The following FARS2 variants were observed in gnomAD, a reference collection of about 807,000 sequenced individuals.
FARS2 encodes the protein phenylalanyl-tRNA synthetase 2, mitochondrial, also known as phenylalanine--tRNA ligase, mitochondrial.
Under a neutral mutation model 46.4 loss-of-function variants are expected in FARS2, and 40 were observed. The observed-to-expected ratio is 0.86, with a 90% confidence interval of 0.67 to 1.12. FARS2 has a LOEUF of 1.12. Among genes scored for constraint, FARS2 ranks in the 50% most tolerant of loss-of-function variants. The probability of loss-of-function intolerance (pLI) is 0.00; values close to 1 mark genes in which losing one functional copy is unlikely to be tolerated. For synonymous variants in FARS2, 234 were observed against 214.9 expected, an observed-to-expected ratio of 1.09 and a Z score of -0.78; for missense variants, 513 against 567.9, an observed-to-expected ratio of 0.90 and a Z score of 0.98.
At chr6:5,278,192 G>C (rs1766471808) in intron 1 of FARS2, among the ~76,000 whole-genome samples, 1 of 152,166 alleles carries the variant, frequency 6.6e-6, no homozygotes. Flanking sequence ...GTGAGTAAAT[G>C]ACCTTTTCCT....
At chr6:5,491,476 C>T (rs1340504814) in intron 4 of FARS2, among the ~76,000 whole-genome samples, 1 of 152,074 alleles carries the variant, frequency 6.6e-6, no homozygotes, top group Non-Finnish European at 1.5e-5. Context: ...AAAGTGACGT[C>T]GAGTTAAGAA....
At chr6:5,449,701 G>C (rs1317256802) in intron 4 of FARS2, among the ~76,000 whole-genome samples, 1 of 152,180 alleles carries the variant, frequency 6.6e-6, no homozygotes, top group African/African-American at 2.4e-5. Flanking sequence ...TTGTGTGTGT[G>C]TGTTTTGGAA....
intron 3 of FARS2, among the ~76,000 whole-genome samples, chr6:5,420,274 C>G (rs1341827531): frequency 2.0e-5 from 3 of 152,142 alleles, no homozygotes; most frequent in Admixed American, 2.0e-4. Context: ...CAAACCATAT[C>G]ATTCCATCCC....
rs762678216 is a variant in FARS2, at chr6:5,369,130, A to G, written c.560A>G (p.His187Arg). Residue 187 changes from histidine to arginine, a missense_variant, in exon 2 of 7, where the codon CAC (histidine) becomes CGC (arginine). Coordinates refer to ENST00000274680, the MANE Select transcript of FARS2 (RefSeq NM_006567.5). ...AGGCGTGACCAGATCGACTCCCAGC[A>G]CTACCCTATTTTCCACCAGCTGGAG... ...VYRRDQIDSQ[H>R]YPIFHQLEAV... 1.9e-6 allele frequency: 3 copies of G among 1,612,598 alleles called. No individual in the cohort carries two copies. The highest frequency in any genetic ancestry group is 1.7e-5 in the Admixed American group (1 of 60,010).
intron 6 of FARS2, among the ~76,000 whole-genome samples, chr6:5,688,482 T>C (rs1057485857): frequency 6.6e-6 from 1 of 152,264 alleles, no homozygotes; most frequent in Non-Finnish European, 1.5e-5. Flanking sequence ...TCTTTGGTTC[T>C]GTTTATATGC....
chr6:5,723,987 ACCG>A (rs1179272450), intron 6 of FARS2, among the ~76,000 whole-genome samples: 27 of 152,322 alleles, frequency 1.8e-4, no homozygotes, highest in Non-Finnish European at 3.4e-4. Context: ...TGGGCTGTCC[ACCG>A]CACAGGGGCT....
At chr6:5,627,723 T>C (rs905629468) in intron 6 of FARS2, among the ~76,000 whole-genome samples, 2 of 152,250 alleles carry the variant, frequency 1.3e-5, no homozygotes, top group African/African-American at 2.4e-5. Context: ...ATACGTATTT[T>C]TGATGAATTA....
intron 4 of FARS2, among the ~76,000 whole-genome samples, chr6:5,474,321 T>G (rs9504405): frequency 0.039 from 6,006 of 152,302 alleles, 218 homozygotes; most frequent in African/African-American, 0.089. Context: ...GAAGTGGAGA[T>G]GAAGGTGGGA....
At chr6:5,586,325 T>TC (rs1773610762) in intron 5 of FARS2, among the ~76,000 whole-genome samples, 1 of 152,172 alleles carries the variant, frequency 6.6e-6, no homozygotes, top group Admixed American at 6.5e-5. Flanking sequence ...GCTTTTCAAC[T>TC]TTGAGTGTGA....
intron 4 of FARS2, among the ~76,000 whole-genome samples, chr6:5,480,195 A>C (rs1300080146): frequency 1.3e-5 from 2 of 152,278 alleles, no homozygotes; most frequent in Non-Finnish European, 2.9e-5. Flanking sequence ...GAGTCAAGAA[A>C]ATCATGATCG....
intron 1 of FARS2, among the ~76,000 whole-genome samples, chr6:5,345,760 T>G (rs1201232922): frequency 6.6e-6 from 1 of 152,234 alleles, no homozygotes; most frequent in Non-Finnish European, 1.5e-5. Flanking sequence ...ATTTTCCATT[T>G]GTATTAATTA....
intron 4 of FARS2, among the ~76,000 whole-genome samples, chr6:5,442,988 CAT>C (rs1246604222): frequency 6.6e-6 from 1 of 152,296 alleles, no homozygotes; most frequent in East Asian, 1.9e-4. Context: ...CTGTCTGTGG[CAT>C]GATTTCTAGA....
chr6:5,341,224 TATATATA>T (rs1477805678), intron 1 of FARS2, among the ~76,000 whole-genome samples: 11 of 7,054 alleles, frequency 1.6e-3, no homozygotes, highest in African/African-American at 4.3e-3. Context: ...TATATATATA[TATATATA>T]TATATTTTTT....
intron 6 of FARS2, among the ~76,000 whole-genome samples, chr6:5,659,083 G>A (rs576093757): frequency 1.3e-5 from 2 of 152,196 alleles, no homozygotes; most frequent in South Asian, 2.1e-4. Context: ...TATGACTTGC[G>A]GTATGGAAGG....
At chr6:5,758,547 C>T (rs1028123460) in intron 6 of FARS2, among the ~76,000 whole-genome samples, 4 of 152,190 alleles carry the variant, frequency 2.6e-5, no homozygotes, top group African/African-American at 9.7e-5. Context: ...CAAAGAGGAG[C>T]TCTAAGCTGA....
At position 5,368,614 on chromosome 6, in the gene FARS2, A is replaced by G. The variant is rs1758829108; in HGVS notation, c.44A>G (p.Tyr15Cys). ...ALRRGAHAYV[Y>C]LVSKASHISR... is the part of the protein sequence containing the mutation. ...AGGAGAGGTGCCCATGCATATGTCT[A>G]CCTGGTGAGTAAGGCCAGTCACATC... Residue 15 changes from tyrosine (Y) to cysteine (C), a missense_variant, in exon 2 of 7, where the codon TAC becomes TGC. By Grantham distance (194) the Tyr-to-Cys change is radical. Transcript: ENST00000274680. 6.2e-7 allele frequency: 1 copy of G among 1,614,018 alleles called. No individual in the cohort carries two copies. The highest frequency in any genetic ancestry group is 8.5e-7 in the Non-Finnish European group (1 of 1,179,958).
At chr6:5,425,673 T>C (rs2503830) in intron 3 of FARS2, among the ~76,000 whole-genome samples, 7,036 of 152,292 alleles carry the variant, frequency 0.046, 542 homozygotes, top group African/African-American at 0.16. Flanking sequence ...TTAGAATTCT[T>C]GCTATACCTC....
intron 6 of FARS2, among the ~76,000 whole-genome samples, chr6:5,638,148 C>G (rs1187182029): frequency 6.6e-6 from 1 of 152,176 alleles, no homozygotes; most frequent in Non-Finnish European, 1.5e-5. Flanking sequence ...ACTCTCTGAT[C>G]CTATATTCTA....
chr6:5,449,757 C>T (rs912867108), intron 4 of FARS2, among the ~76,000 whole-genome samples: 1 of 152,188 alleles, frequency 6.6e-6, no homozygotes, highest in Non-Finnish European at 1.5e-5. Flanking sequence ...TCCGAAAACT[C>T]GAAATCAGAA....
Sources: gnomAD v4.1 joint callset for allele counts (sites outside exome capture counted in the v4.1 genomes callset) on GRCh38, gnomAD v4.1.1 for gene constraint, MANE v1.5 for transcripts, NCBI Gene and HGNC (gene_info 2026-07-23, HGNC 2026-07-21) for gene names.